HERC5: variants seen among roughly 807,000 people sequenced by gnomAD.
HERC5 encodes the protein E3 ISG15--protein ligase HERC5.
A neutral mutation model predicts 119.6 loss-of-function variants in HERC5; 99 were observed. That is an observed-to-expected ratio of 0.83 (90% CI 0.70 to 0.98). The LOEUF (loss-of-function observed/expected upper bound fraction) is 0.98. HERC5 is among the 50% of genes least tolerant of loss of function. HERC5 has a pLI of 0.00. For missense variants in HERC5, 1,267 were observed against 1,241.3 expected, an observed-to-expected ratio of 1.02 and a Z score of -0.31; for synonymous variants, 478 against 445.9, an observed-to-expected ratio of 1.07 and a Z score of -0.91.
At chr4:88,458,396 GGTT>G (rs1578460674) in intron 1 of HERC5, among the ~76,000 whole-genome samples, 1 of 151,460 alleles carries the variant, frequency 6.6e-6, no homozygotes, top group East Asian at 1.9e-4. Context: ...GTAATTTTAA[GGTT>G]TTTTTTTTTA....
intron 20 of HERC5, among the ~76,000 whole-genome samples, chr4:88,502,745 G>A (rs999345308): frequency 6.6e-6 from 1 of 152,146 alleles, no homozygotes; most frequent in Non-Finnish European, 1.5e-5. Context: ...GTATTCCATT[G>A]TGGTTTTAAT....
chr4:88,499,163 T>A (rs1741881324), intron 18 of HERC5, among the ~76,000 whole-genome samples: 2 of 152,198 alleles, frequency 1.3e-5, no homozygotes, highest in African/African-American at 4.8e-5. Flanking sequence ...CATACCTCAC[T>A]GTATTGTAGG....
intron 6 of HERC5, 82 bp downstream of exon 6, chr4:88,464,067 C>G: frequency 4.2e-6 from 5 of 1,184,286 alleles, no homozygotes; most frequent in Non-Finnish European, 4.6e-6. Context: ...CTTTCAGTTT[C>G]TTTGAGATGT....
chr4:88,463,973 T>C lies in HERC5; in HGVS notation c.899T>C (p.Ile300Thr), dbSNP rs1237408995. The C allele has an allele frequency of 1.2e-6, 2 of 1,613,134 alleles. No homozygotes were observed. Among genetic ancestry groups the C allele is most frequent in the Non-Finnish European group, 8.5e-7 (1 of 1,179,688 alleles). ...AELVGYRVTQIACGRWHTLAY... is the reference protein window; with the variant it reads ...AELVGYRVTQTACGRWHTLAY... Reference sequence around the variant, plus strand: ...CTTGTTGGGTATAGAGTGACTCAGATAGCATGTGGAAGGTAAGTTGTAAAG... The same window carrying C: ...CTTGTTGGGTATAGAGTGACTCAGACAGCATGTGGAAGGTAAGTTGTAAAG... The change falls in exon 6 of 23, where the codon ATA (isoleucine) becomes ACA (threonine). Residue 300 changes from isoleucine to threonine, a missense_variant. Physicochemically the swap from Ile to Thr is moderately conservative, Grantham distance 89 (BLOSUM62 -1). Transcript: ENST00000264350.
At chr4:88,471,982 T>C (rs1352245511) in intron 10 of HERC5, among the ~76,000 whole-genome samples, 1 of 137,626 alleles carries the variant, frequency 7.3e-6, no homozygotes, top group African/African-American at 2.6e-5. Context: ...CCCTTCCTTC[T>C]TTCTTTTCTT....
At chr4:88,460,760 G>T (rs770211501) in intron 3 of HERC5, among the ~76,000 whole-genome samples, 1 of 152,132 alleles carries the variant, frequency 6.6e-6, no homozygotes, top group Non-Finnish European at 1.5e-5. Flanking sequence ...AGGCTGAGGT[G>T]GGAGGATCAC....
chr4:88,472,294 A>G (rs1163576803), intron 10 of HERC5, 115 bp from the exon 11 acceptor site: 1 of 667,988 alleles, frequency 1.5e-6, no homozygotes, highest in African/African-American at 1.8e-5. Flanking sequence ...ACAATTTATT[A>G]TAGTTACACA....
At chr4:88,496,634 A>G (rs1041580682) in intron 18 of HERC5, among the ~76,000 whole-genome samples, 1 of 152,206 alleles carries the variant, frequency 6.6e-6, no homozygotes, top group Non-Finnish European at 1.5e-5. Context: ...CATACATGAT[A>G]ATCACCTCCA....
chr4:88,505,364 T>C (rs1416317507), intron 22 of HERC5, among the ~76,000 whole-genome samples: 1 of 152,228 alleles, frequency 6.6e-6, no homozygotes, highest in Non-Finnish European at 1.5e-5. Flanking sequence ...TTCTCAAGCA[T>C]AGCATTGACT....
intron 11 of HERC5, among the ~76,000 whole-genome samples, chr4:88,475,371 T>C (rs1432954992): frequency 6.8e-6 from 1 of 147,084 alleles, no homozygotes; most frequent in African/African-American, 2.5e-5. Flanking sequence ...GTGCCTGGAG[T>C]GCAGTGACAC....
In HERC5 at chr4:88,472,017, G is replaced by A. The variant is rs187168983; in HGVS notation, c.1299-392G>A. Among the ~76,000 whole-genome samples, 1,216 of 140,842 alleles carry A rather than the reference G, an allele frequency of 8.6e-3. 11 individuals are homozygous for A. The highest frequency in any genetic ancestry group is 0.029 in the African/African-American group (1,115 of 37,958). The allele number at this position is 140,842 out of a possible 152,430, so 92.4% of individuals were successfully genotyped here. On this transcript the variant is annotated intron_variant, in intron 10 of 22. Coordinates refer to ENST00000264350, the MANE Select transcript of HERC5 (RefSeq NM_016323.4). Reference sequence around the variant, plus strand: ...TTTTTTCTTTCTTTCTTTTTCTGAGGCAGGATCTTGCTCTGTCACCCAGGC... The same window carrying A: ...TTTTTTCTTTCTTTCTTTTTCTGAGACAGGATCTTGCTCTGTCACCCAGGC...
chr4:88,460,942 A>G (rs892506609), intron 3 of HERC5, among the ~76,000 whole-genome samples: 2 of 152,178 alleles, frequency 1.3e-5, no homozygotes, highest in African/African-American at 4.8e-5. Context: ...GTGAGCCATG[A>G]TCGTGCCACT....
At chr4:88,470,481 T>C (rs995065580) in intron 9 of HERC5, 133 bp from the exon 10 acceptor site, 2 of 580,560 alleles carry the variant, frequency 3.4e-6, no homozygotes, top group Non-Finnish European at 6.2e-6. Flanking sequence ...TGCATACAGA[T>C]AGGAGACAAA....
chr4:88,480,902 T>G lies in HERC5; in HGVS notation c.1737+1395T>G, dbSNP rs528702409. On this transcript the variant is annotated intron_variant, in intron 13 of 22. Transcript: ENST00000264350. ...AGAATTCTTTTATTTTGGACACTAC[T>G]CTTTTGTCAATGATATGTGTTGCAA... 2.0e-3 allele frequency among the ~76,000 whole-genome samples: 304 copies of G among 152,370 alleles called. 1 individual carries two copies. The highest frequency in any genetic ancestry group is 3.7e-3 in the Admixed American group (56 of 15,306).
chr4:88,502,239 C>A (rs886827991), intron 20 of HERC5, among the ~76,000 whole-genome samples: 1 of 152,130 alleles, frequency 6.6e-6, no homozygotes, highest in Non-Finnish European at 1.5e-5. Flanking sequence ...GTGCTTGGTG[C>A]CTTGTGGTTG....
intron 9 of HERC5, 81 bp downstream of exon 9, chr4:88,469,341 G>T: frequency 1.1e-6 from 1 of 909,332 alleles, no homozygotes; most frequent in South Asian, 1.4e-5. Flanking sequence ...AGCAATATGA[G>T]ATTTTGTAGT....
chr4:88,479,216 C>T (rs1191012365), intron 12 of HERC5, 137 bp from the exon 13 acceptor site: 1 of 494,978 alleles, frequency 2.0e-6, no homozygotes, highest in Non-Finnish European at 3.3e-6. Context: ...ACCTGGGAGG[C>T]AGAGGATGTA....
intron 18 of HERC5, 135 bp from the exon 19 acceptor site, chr4:88,499,791 G>A (rs1251672680): frequency 1.7e-5 from 10 of 585,186 alleles, no homozygotes; most frequent in African/African-American, 1.1e-4. Flanking sequence ...CTATCAGTAC[G>A]CAGAGAAAGA....
In HERC5 at chr4:88,457,325, A is replaced by G; in HGVS notation, c.56A>G (p.Lys19Arg). Reference protein sequence around the residue: ...SRRNGRSTAGKAAATQPAKSP... With the variant: ...SRRNGRSTAGRAAATQPAKSP... Reference sequence around the variant, plus strand: ...CGCAACGGGCGCTCGACCGCGGGCAAGGCCGCCGCGACCCAGCCCGCGAAG... The same window carrying G: ...CGCAACGGGCGCTCGACCGCGGGCAGGGCCGCCGCGACCCAGCCCGCGAAG... The change falls in exon 1 of 23, where the codon AAG becomes AGG. Residue 19 changes from lysine (K) to arginine (R), a missense_variant. Transcript: ENST00000264350. 7.2e-7 allele frequency: 1 copy of G among 1,398,464 alleles called. No homozygotes were observed. Among genetic ancestry groups the G allele is most frequent in the Non-Finnish European group, 9.3e-7 (1 of 1,079,676 alleles). 86.6% of individuals were successfully genotyped at this position (1,398,464 alleles called of 1,614,324 possible). A position where few individuals can be genotyped will look rare whatever the true frequency, so the allele number is the denominator to read the frequency against.
Sources: allele counts gnomAD v4.1 joint callset (sites outside exome capture counted in the v4.1 genomes callset), GRCh38; gene constraint gnomAD v4.1.1; transcripts MANE v1.5; gene names NCBI Gene and HGNC (gene_info 2026-07-23, HGNC 2026-07-21).